GABRG3: variants seen among roughly 807,000 people sequenced by gnomAD.
GABRG3 encodes gamma-aminobutyric acid receptor subunit gamma-3.
Under a neutral mutation model 48.8 loss-of-function variants are expected in GABRG3, and 25 were observed. The observed-to-expected ratio is 0.51, with a 90% CI of 0.37 to 0.72. GABRG3 has a LOEUF of 0.72. Ranked by LOEUF, GABRG3 falls within the 30% of genes least tolerant of loss-of-function variation. GABRG3 has a pLI of 0.00. For synonymous variants in GABRG3, 227 were observed against 217.6 expected, an observed-to-expected ratio of 1.04 and a Z score of -0.38; for missense variants, 394 against 577.9, an observed-to-expected ratio of 0.68 and a Z score of 3.26.
chr15:27,119,631 T>A (rs1362575385), intron 3 of GABRG3, among the ~76,000 whole-genome samples: 3 of 152,212 alleles, frequency 2.0e-5, no homozygotes, highest in African/African-American at 7.2e-5. Flanking sequence ...CCTTGGGCTG[T>A]GTTGTCATCT....
At chr15:27,188,541 G>T (rs1888178543) in intron 3 of GABRG3, among the ~76,000 whole-genome samples, 1 of 151,460 alleles carries the variant, frequency 6.6e-6, no homozygotes, top group Non-Finnish European at 1.5e-5. Context: ...AGAAGTGTCT[G>T]TTCATGTCCT....
intron 3 of GABRG3, among the ~76,000 whole-genome samples, chr15:27,059,453 G>A (rs1896608606): frequency 6.6e-6 from 1 of 152,222 alleles, no homozygotes; most frequent in South Asian, 2.1e-4. Context: ...GAGATACTAT[G>A]TTGGCTATAA....
At chr15:27,290,319 G>A (rs974571161) in intron 3 of GABRG3, among the ~76,000 whole-genome samples, 3 of 151,940 alleles carry the variant, frequency 2.0e-5, no homozygotes, top group African/African-American at 7.3e-5. Context: ...GGTATTTCCT[G>A]CTACGAGATA....
rs1891464854 is a variant in GABRG3 at position 27,532,954 on chromosome 15, A to G, written c.*73A>G. ...TTCTGTCGTCCCCAGACCAGTAGTGACCAATCGGGAGTAGCAAGGAAGGAC... is the reference window on the plus strand; with the variant it reads ...TTCTGTCGTCCCCAGACCAGTAGTGGCCAATCGGGAGTAGCAAGGAAGGAC... On this transcript the variant is annotated 3_prime_UTR_variant, in exon 10 of 10. Coordinates refer to ENST00000615808, the MANE Select transcript of GABRG3 (RefSeq NM_033223.5). 7.6e-6 allele frequency: 11 copies of G among 1,439,078 alleles called. No individual in the cohort carries two copies. The highest frequency in any genetic ancestry group is 1.0e-5 in the Non-Finnish European group (11 of 1,055,654). The allele number at this position is 1,439,078 out of a possible 1,614,324, so 89.1% of individuals were successfully genotyped here.
intron 6 of GABRG3, among the ~76,000 whole-genome samples, chr15:27,499,812 G>A (rs1292267470): frequency 6.6e-6 from 1 of 152,210 alleles, no homozygotes; most frequent in African/African-American, 2.4e-5. Flanking sequence ...TCCATAAGCA[G>A]ATGTGGATGG....
chr15:27,482,749 A>G (rs1052119488), intron 6 of GABRG3, among the ~76,000 whole-genome samples: 1 of 152,220 alleles, frequency 6.6e-6, no homozygotes, highest in African/African-American at 2.4e-5. Context: ...GCTTATGTAA[A>G]TAATTCTACT....
At chr15:27,356,273 G>A (rs1894836917) in intron 5 of GABRG3, among the ~76,000 whole-genome samples, 1 of 152,106 alleles carries the variant, frequency 6.6e-6, no homozygotes, top group Admixed American at 6.6e-5. Context: ...GGTAGGGGGT[G>A]GGGAGAGAGG....
At chr15:27,432,183 T>G (rs1036850596) in intron 5 of GABRG3, among the ~76,000 whole-genome samples, 3 of 152,290 alleles carry the variant, frequency 2.0e-5, no homozygotes, top group African/African-American at 7.2e-5. Flanking sequence ...AACAATGTAG[T>G]TGGGATTAAT....
At chr15:27,395,684 A>G (rs1240148617) in intron 5 of GABRG3, among the ~76,000 whole-genome samples, 1 of 152,176 alleles carries the variant, frequency 6.6e-6, no homozygotes, top group Non-Finnish European at 1.5e-5. Flanking sequence ...TAAAAAAATG[A>G]ACCTAGATAT....
chr15:27,163,813 C>T (rs906731261), intron 3 of GABRG3, among the ~76,000 whole-genome samples: 6 of 152,166 alleles, frequency 3.9e-5, no homozygotes, highest in African/African-American at 1.2e-4. Context: ...CTACCATGTG[C>T]GAGTGGGCTT....
At chr15:27,370,465 C>A (rs989515265) in intron 5 of GABRG3, among the ~76,000 whole-genome samples, 2 of 152,186 alleles carry the variant, frequency 1.3e-5, no homozygotes, top group African/African-American at 4.8e-5. Flanking sequence ...CTGTTTGGGT[C>A]ATCTCCAATT....
At chr15:27,239,267 G>A (rs1890066858) in intron 3 of GABRG3, among the ~76,000 whole-genome samples, 1 of 152,180 alleles carries the variant, frequency 6.6e-6, no homozygotes, top group South Asian at 2.1e-4. Flanking sequence ...CTTTGTCCAA[G>A]GCTATGTTTT....
intron 3 of GABRG3, among the ~76,000 whole-genome samples, chr15:27,241,372 G>A (rs1015484426): frequency 1.3e-5 from 2 of 152,080 alleles, no homozygotes; most frequent in African/African-American, 4.8e-5. Flanking sequence ...TTAGACATTG[G>A]GCAACAGTTT....
At chr15:27,105,768 A>AT in intron 3 of GABRG3, among the ~76,000 whole-genome samples, 1 of 152,232 alleles carries the variant, frequency 6.6e-6, no homozygotes, top group East Asian at 1.9e-4. Flanking sequence ...TAGAACTACT[A>AT]TATGACCTCT....
At chr15:27,432,951 G>C (rs1888500013) in intron 5 of GABRG3, among the ~76,000 whole-genome samples, 1 of 152,064 alleles carries the variant, frequency 6.6e-6, no homozygotes, top group Non-Finnish European at 1.5e-5. Context: ...TTTTCCCCCA[G>C]TTTCCAAGAA....
intron 3 of GABRG3, among the ~76,000 whole-genome samples, chr15:27,079,824 C>T (rs1896963537): frequency 1.3e-5 from 2 of 152,198 alleles, no homozygotes; most frequent in Non-Finnish European, 2.9e-5. Context: ...ATTAAGACCT[C>T]TAATGGCTAA....
In GABRG3 at chr15:27,035,494, A is replaced by G. The variant is rs557841824; in HGVS notation, c.270+8673A>G. The stretch of plus-strand genomic sequence containing the variant: ...ACAATTGATTTTCCTCATTCTTCAC[A>G]ATGTGAGCTACATAATGTCCCTCTG... On this transcript the variant is annotated intron_variant, in intron 3 of 9. Transcript: ENST00000615808. Among the ~76,000 whole-genome samples the G allele has an allele frequency of 2.0e-5, 3 of 151,826 alleles. No individual in the cohort carries two copies. In the East Asian group the frequency reaches 5.8e-4, roughly 29 times the overall value.
intron 7 of GABRG3, among the ~76,000 whole-genome samples, chr15:27,523,372 TTTAA>T (rs1891201802): frequency 6.6e-6 from 1 of 151,646 alleles, no homozygotes; most frequent in African/African-American, 2.4e-5. Flanking sequence ...GAAATTTTAA[TTTAA>T]TTTATTAGTC....
At chr15:27,244,773 C>T (rs577209695) in intron 3 of GABRG3, among the ~76,000 whole-genome samples, 1 of 152,028 alleles carries the variant, frequency 6.6e-6, no homozygotes, top group South Asian at 2.1e-4. Context: ...CTGAGTGAGA[C>T]CCTGTCTCAA....
Sources: allele counts gnomAD v4.1 joint callset (sites outside exome capture counted in the v4.1 genomes callset), GRCh38; gene constraint gnomAD v4.1.1; transcripts MANE v1.5; gene names NCBI Gene and HGNC (gene_info 2026-07-23, HGNC 2026-07-21).